Variants in NRXN2 observed in about 807,000 individuals in gnomAD.
NRXN2 encodes the protein neurexin 2, also known as neurexin-2-beta.
Under a neutral mutation model 128.8 loss-of-function variants are expected in NRXN2, and 29 were observed. That is an observed-to-expected ratio of 0.23 (90% CI 0.17 to 0.31). NRXN2 has a LOEUF of 0.31. NRXN2 is among the 10% of genes least tolerant of loss of function. The pLI is 1.00. For synonymous variants in NRXN2, 1,098 were observed against 1,075.2 expected (o/e 1.02, Z -0.41); for missense variants, 1,881 against 2,452.6 (o/e 0.77, Z 4.92).
intron 22 of NRXN2, among the ~76,000 whole-genome samples, chr11:64,615,269 G>A (rs2041298250): frequency 6.6e-6 from 1 of 152,244 alleles, no homozygotes; most frequent in Non-Finnish European, 1.5e-5. Flanking sequence ...GAGGGTCCAA[G>A]CCTTGAGTCA....
chr11:64,718,506 GA>G (rs2135691032), intron 1 of NRXN2, among the ~76,000 whole-genome samples: 1 of 152,312 alleles, frequency 6.6e-6, no homozygotes, highest in African/African-American at 2.4e-5. Flanking sequence ...GCTATGGGGG[GA>G]GATTCTGGCT....
chr11:64,661,093 T>A lies in NRXN2; in HGVS notation c.1845A>T (p.Gly615=). 1 of 1,613,390 alleles carries A rather than the reference T, an allele frequency of 6.2e-7. No homozygotes were observed. Among genetic ancestry groups the A allele is most frequent in the Non-Finnish European group, 8.5e-7 (1 of 1,179,982 alleles). ...TCTCCAGGTCCAGAATCTCGCTGTC[T>A]CCAGTGGCCAAGAACGGCGTGCTGC... ...NSRSTPFLAT[G]DSEILDLESE... The change falls in exon 10 of 23, where the codon GGA becomes GGT. Residue 615 remains glycine (G), a synonymous_variant. Coordinates refer to ENST00000265459, the MANE Select transcript of NRXN2 (RefSeq NM_015080.4).
Position 64,623,322 on chromosome 11 carries a change from G to A in NRXN2, c.3848-244C>T. 1.6e-6 allele frequency: 1 copy of A among 611,400 alleles called. No homozygotes were observed. Among genetic ancestry groups the A allele is most frequent in the Non-Finnish European group, 2.8e-6 (1 of 355,832 alleles). The allele number at this position is 611,400 out of a possible 1,614,324, so 37.9% of individuals were successfully genotyped here. A position where few individuals can be genotyped will look rare whatever the true frequency, so the allele number is the denominator to read the frequency against. ...GGGGAGGGCACCCAGGGTACACATG[G>A]GCTGGGGAAGGGGAGCCCAGTCCCT... On this transcript the variant is annotated intron_variant, in intron 20 of 22. Transcript: ENST00000265459. This position sits in a 1 kb window ranked among gnomAD's most constrained non-coding sequence, Gnocchi z 4.9.
chr11:64,704,623 C>CACACAG (rs1336665936), intron 2 of NRXN2, among the ~76,000 whole-genome samples: 820 of 81,226 alleles, frequency 0.01, 11 homozygotes, highest in African/African-American at 0.011. Context: ...CACACACACA[C>CACACAG]AGAGAGAGAG....
intron 22 of NRXN2, among the ~76,000 whole-genome samples, chr11:64,609,589 T>C (rs922705273): frequency 6.6e-6 from 1 of 152,114 alleles, no homozygotes; most frequent in Non-Finnish European, 1.5e-5. Flanking sequence ...TAGAACACAA[T>C]TCCCATCAGC....
chr11:64,620,145 G>A (rs1248725507), intron 22 of NRXN2, 149 bp downstream of exon 22: 11 of 683,086 alleles, frequency 1.6e-5, no homozygotes, highest in Non-Finnish European at 7.9e-6. Context: ...CTGAGGGACT[G>A]GGAGGATGTT....
intron 17 of NRXN2, chr11:64,637,554 G>A (rs1390246276): frequency 2.0e-5 from 3 of 152,450 alleles, no homozygotes; most frequent in African/African-American, 7.2e-5. Flanking sequence ...CTCCACACAA[G>A]ATGCACATCT....
intron 11 of NRXN2, chr11:64,656,142 C>T (rs1216719351): frequency 6.6e-6 from 1 of 152,178 alleles, no homozygotes; most frequent in African/African-American, 2.4e-5. Flanking sequence ...GCCCAAGGCT[C>T]CCAGGCATCT....
At chr11:64,688,541 G>C (rs969172457) in intron 5 of NRXN2, 1 of 985,278 alleles carries the variant, frequency 1.0e-6, no homozygotes, top group African/African-American at 1.7e-5. Context: ...GCACAAACAA[G>C]ATCTGGGCTG....
At chr11:64,668,651 C>A in intron 7 of NRXN2, 47 bp from the exon 8 acceptor site, 1 of 1,608,046 alleles carries the variant, frequency 6.2e-7, no homozygotes, top group Non-Finnish European at 8.5e-7. Context: ...CAACCAACAT[C>A]AAATCCCTAG....
chr11:64,612,872 T>C (rs971270898), intron 22 of NRXN2, among the ~76,000 whole-genome samples: 1 of 152,232 alleles, frequency 6.6e-6, no homozygotes, highest in Non-Finnish European at 1.5e-5. Context: ...TGGTGCATGA[T>C]TTCACAAACA....
chr11:64,679,795 C>T (rs1452293820), intron 6 of NRXN2, among the ~76,000 whole-genome samples: 1 of 152,052 alleles, frequency 6.6e-6, no homozygotes, highest in Non-Finnish European at 1.5e-5. Context: ...GGATCCAGAC[C>T]CAGTCCAATG....
intron 1 of NRXN2, among the ~76,000 whole-genome samples, chr11:64,720,035 G>A (rs1012955028): frequency 6.6e-6 from 1 of 152,206 alleles, no homozygotes; most frequent in Non-Finnish European, 1.5e-5. Flanking sequence ...TACTATCATT[G>A]CCATCATTGT....
rs773738468 is a variant in NRXN2, at chr11:64,607,932, G to C, written c.4403C>G (p.Ala1468Gly). ...ATQDTLPPPA[A>G]RRPPSGGPCQ... ...CGGGCCCCCAGAGGGCGGGCGGCGCGCGGCGGGCGGGGGCAGCGTGTCTTG... is the reference window on the plus strand; with the variant it reads ...CGGGCCCCCAGAGGGCGGGCGGCGCCCGGCGGGCGGGGGCAGCGTGTCTTG... The change falls in exon 23 of 23, where the codon GCG becomes GGG. Residue 1468 changes from alanine to glycine, a missense_variant. Coordinates refer to ENST00000265459, the MANE Select transcript of NRXN2 (RefSeq NM_015080.4). 1 of 1,548,940 alleles carries C rather than the reference G, an allele frequency of 6.5e-7. No individual in the cohort carries two copies. The highest frequency in any genetic ancestry group is 8.7e-7 in the Non-Finnish European group (1 of 1,148,304).
chr11:64,660,203 C>T lies in NRXN2; in HGVS notation c.2389+129G>A. 6.6e-6 allele frequency: 7 copies of T among 1,053,180 alleles called. No individual in the cohort carries two copies. In the South Asian group the frequency reaches 6.9e-5, roughly 10 times the overall value. 65.2% of individuals were successfully genotyped at this position (1,053,180 alleles called of 1,614,324 possible). A position where few individuals can be genotyped will look rare whatever the true frequency, so the allele number is the denominator to read the frequency against. ...CAGGGTCTCTGACCCAGGCTGGCGC[C>T]TCCCCACCTCCAAACTCTGCTGAGG... On this transcript the variant is annotated intron_variant, in intron 11 of 22. Transcript: ENST00000265459. This position sits in a 1 kb window ranked among gnomAD's most constrained non-coding sequence, Gnocchi z 5.2.
intron 22 of NRXN2, 41 bp downstream of exon 22, chr11:64,620,253 G>T: frequency 6.7e-7 from 1 of 1,485,940 alleles, no homozygotes. Context: ...CAGCAGCATC[G>T]CAGAGGGACC....
chr11:64,712,624 T>C (rs2057041842), intron 2 of NRXN2: 3 of 441,050 alleles, frequency 6.8e-6, no homozygotes, highest in African/African-American at 4.4e-5. Context: ...CCCACAAGCC[T>C]TCACGAACGC....
intron 7 of NRXN2, among the ~76,000 whole-genome samples, chr11:64,674,674 T>C (rs1022069212): frequency 2.6e-5 from 4 of 152,216 alleles, no homozygotes; most frequent in African/African-American, 9.7e-5. Context: ...GAAGAGATGG[T>C]AATAGGATCT....
rs1256593924 is a variant in NRXN2 at position 64,632,289 on chromosome 11, G to A, written c.3586-1716C>T. Reference sequence around the variant, plus strand: ...CATGCATGCACGCTAACACACAGATGCATGCACACAGTCATACATGCATGC... The same window carrying A: ...CATGCATGCACGCTAACACACAGATACATGCACACAGTCATACATGCATGC... On this transcript the variant is annotated intron_variant, in intron 18 of 22. Transcript: ENST00000265459. The surrounding 1 kb of genome is among the most constrained non-coding windows in gnomAD (Gnocchi z 4.2). 6.6e-6 allele frequency among the ~76,000 whole-genome samples: 1 copy of A among 152,208 alleles called. No individual in the cohort carries two copies. The highest frequency in any genetic ancestry group is 1.5e-5 in the Non-Finnish European group (1 of 68,032).
Sources: allele counts gnomAD v4.1 joint callset (sites outside exome capture counted in the v4.1 genomes callset), GRCh38; gene constraint gnomAD v4.1.1; non-coding constraint Gnocchi (gnomAD v3.1); transcripts MANE v1.5; gene names NCBI Gene and HGNC (gene_info 2026-07-23, HGNC 2026-07-21).